The following ZNF318 variants were observed in gnomAD, a reference collection of about 807,000 sequenced individuals.
ZNF318 encodes the protein endocrine regulator.
ZNF318 carries 51 observed loss-of-function variants against 124.2 expected under a neutral mutation model. The observed-to-expected ratio is 0.41, with a 90% CI of 0.33 to 0.52. The LOEUF (loss-of-function observed/expected upper bound fraction) is 0.52, where lower values mean the gene tolerates loss of function less well. ZNF318 is among the 20% of genes least tolerant of loss of function. The pLI, the probability that ZNF318 is intolerant of heterozygous loss-of-function variation, is 0.23. For missense variants in ZNF318, 2,815 were observed against 2,811.2 expected, an observed-to-expected ratio of 1.00 and a Z score of -0.03; for synonymous variants, 1,090 against 1,040.7, an observed-to-expected ratio of 1.05 and a Z score of -0.91.
At chr6:43,368,719 G>C (rs943501980) in intron 1 of ZNF318, 112 of 985,356 alleles carry the variant, frequency 1.1e-4, no homozygotes, top group Non-Finnish European at 1.3e-4. Flanking sequence ...CCCGGCATGA[G>C]AGAAACAGCC....
At position 43,336,405 on chromosome 6, in the gene ZNF318, G is replaced by T. The variant is rs1393102456; in HGVS notation, c.*753C>A. ...TAAAAGTGATCTCAAAAGCATATCTGCTCCTGGCAATGAACCATGAATAAG... is the reference window on the plus strand; with the variant it reads ...TAAAAGTGATCTCAAAAGCATATCTTCTCCTGGCAATGAACCATGAATAAG... On this transcript the variant is annotated 3_prime_UTR_variant, in exon 10 of 10. Transcript: ENST00000361428. 1 of 152,356 alleles carries T rather than the reference G, an allele frequency of 6.6e-6. No homozygotes were observed. 9.4% of individuals were successfully genotyped at this position (152,356 alleles called of 1,614,324 possible).
chr6:43,354,538 G>T, intron 4 of ZNF318, 126 bp downstream of exon 4: 1 of 814,154 alleles, frequency 1.2e-6, no homozygotes, highest in Non-Finnish European at 2.0e-6. Context: ...TTAGGATGAT[G>T]ACAGCAGCCT....
chr6:43,346,169 A>G (rs1323920435), intron 6 of ZNF318, among the ~76,000 whole-genome samples: 2 of 140,240 alleles, frequency 1.4e-5, no homozygotes, highest in Non-Finnish European at 3.1e-5. Context: ...GCCACAGAAT[A>G]AGACTCTGTT....
intron 7 of ZNF318, 63 bp from the exon 8 acceptor site, chr6:43,342,274 C>T: frequency 7.4e-7 from 1 of 1,351,736 alleles, no homozygotes; most frequent in Non-Finnish European, 1.0e-6. Flanking sequence ...CCACTTTTCT[C>T]TTTTTTTTCC....
At chr6:43,341,049 T>C (rs535699054) in intron 8 of ZNF318, 141 bp from the exon 9 acceptor site, 2 of 647,426 alleles carry the variant, frequency 3.1e-6, no homozygotes, top group Non-Finnish European at 5.5e-6. Context: ...GAAGCAGTAT[T>C]TAGATGAATC....
chr6:43,340,325 C>T lies in ZNF318; in HGVS notation c.3673G>A (p.Glu1225Lys), dbSNP rs1280788687. Residue 1225 changes from glutamate to lysine, a missense_variant, in exon 10 of 10, where the codon GAG becomes AAG. Physicochemically the swap from Glu to Lys is moderately conservative, Grantham distance 56 (BLOSUM62 1). Around this residue, in one of 4 missense-constraint regions of ZNF318, gnomAD observed 500 missense variants for 605.2 expected, o/e 0.83. Coordinates refer to ENST00000361428, the MANE Select transcript of ZNF318 (RefSeq NM_014345.3). ...KKAKAVKEVK[E>K]DDKVSEKLED... is the part of the protein sequence containing the mutation. ...AATTTCTCAGAGACCTTGTCATCCT[C>T]CTTTACTTCTTTCACAGCCTTTGCC... 6.2e-7 allele frequency: 1 copy of T among 1,614,136 alleles called. No individual in the cohort carries two copies. The highest frequency in any genetic ancestry group is 2.2e-5 in the East Asian group (1 of 44,884).
Position 43,365,450 on chromosome 6 carries a change from T to A in ZNF318, c.400-10A>T, listed in dbSNP as rs763259266. 4.3e-6 allele frequency: 7 copies of A among 1,611,436 alleles called. No individual in the cohort carries two copies. The South Asian group carries it at 7.7e-5, about 18-fold the overall frequency. ...GACCAGGAGAGCGTCTCTACAAAAG[T>A]AAAGGATAATATGGTTAGTCAATAG... On this transcript the variant is annotated splice_polypyrimidine_tract_variant and intron_variant, in intron 1 of 9. Coordinates refer to ENST00000361428, the MANE Select transcript of ZNF318 (RefSeq NM_014345.3).
At chr6:43,353,830 G>C (rs977178953) in intron 4 of ZNF318, among the ~76,000 whole-genome samples, 2 of 152,140 alleles carry the variant, frequency 1.3e-5, no homozygotes, top group Non-Finnish European at 2.9e-5. Flanking sequence ...TCTTGATGTA[G>C]TTTTCACCTA....
At chr6:43,343,403 GGA>G (rs1219277326) in intron 6 of ZNF318, among the ~76,000 whole-genome samples, 3 of 152,132 alleles carry the variant, frequency 2.0e-5, no homozygotes, top group Non-Finnish European at 4.4e-5. Context: ...ATGAAAAACT[GGA>G]GAGAAGGGTT....
rs1779581333 is a variant in ZNF318, at chr6:43,354,844, A to G, written c.2490T>C (p.Arg830=). The G allele has an allele frequency of 6.2e-7, 1 of 1,614,102 alleles. No individual in the cohort carries two copies. The highest frequency in any genetic ancestry group is 1.7e-5 in the Admixed American group (1 of 60,006). The change falls in exon 4 of 10, where the codon CGT becomes CGC. Residue 830 remains arginine (R), a synonymous_variant. Transcript: ENST00000361428. ...GGATCACACGAAGATTGGGACGGCT[A>G]CGAGTAGCTTGTTTGGTTATTGGCA... ...RIMPITKQAT[R]SRPNLRVIPT...
In ZNF318 at chr6:43,340,772, C is replaced by T. The variant is rs995234478; in HGVS notation, c.3495+18G>A. 1 of 1,593,642 alleles carries T rather than the reference C, an allele frequency of 6.3e-7. No homozygotes were observed. Among genetic ancestry groups the T allele is most frequent in the Non-Finnish European group, 8.6e-7 (1 of 1,161,584 alleles). ...TTCAGAAAAGTTGGAAACTCCACAGCCTACTACAAAGACCAACCTTGTATT... is the reference window on the plus strand; with the variant it reads ...TTCAGAAAAGTTGGAAACTCCACAGTCTACTACAAAGACCAACCTTGTATT... On this transcript the variant is annotated intron_variant, in intron 9 of 9. Transcript: ENST00000361428.
At chr6:43,367,926 G>A (rs546972188) in intron 1 of ZNF318, among the ~76,000 whole-genome samples, 18 of 152,232 alleles carry the variant, frequency 1.2e-4, no homozygotes, top group Non-Finnish European at 2.4e-4. Flanking sequence ...TTGGGAGGCT[G>A]AGGCGGGAGG....
chr6:43,346,524 C>CAAAAAAAAA, intron 6 of ZNF318, among the ~76,000 whole-genome samples: 3 of 104,578 alleles, frequency 2.9e-5, no homozygotes, highest in Non-Finnish European at 3.8e-5. Flanking sequence ...CATCTTTAAC[C>CAAAAAAAAA]AAAAAAAAAA....
Position 43,354,914 on chromosome 6 carries a change from G to C in ZNF318, c.2420C>G (p.Thr807Ser). 6.2e-7 allele frequency: 1 copy of C among 1,612,422 alleles called. No individual in the cohort carries two copies. Among genetic ancestry groups the C allele is most frequent in the African/African-American group, 1.3e-5 (1 of 75,014 alleles). Residue 807 changes from threonine (T) to serine (S), a missense_variant, in exon 4 of 10, where the codon ACC (threonine) becomes AGC (serine). Thr to Ser is a moderately conservative substitution (Grantham distance 58). Around this residue, in one of 4 missense-constraint regions of ZNF318, gnomAD observed 1,377 missense variants for 1,353.5 expected, o/e 1.02. Coordinates refer to ENST00000361428, the MANE Select transcript of ZNF318 (RefSeq NM_014345.3). The part of the protein sequence containing the change: ...YAASRWPMYP[T>S]SQPSNHPVPE... Reference sequence around the variant, plus strand: ...TACAGGGTGGTTTGACGGTTGAGAGGTGGGATACATGGGCCATCTGGAGGC... The same window carrying C: ...TACAGGGTGGTTTGACGGTTGAGAGCTGGGATACATGGGCCATCTGGAGGC...
chr6:43,363,996 C>T lies in ZNF318; in HGVS notation c.548+1296G>A, dbSNP rs539720148. Reference sequence around the variant, plus strand: ...GCTACTGCGGCTCTGTGCTGGTGCACCTCATCCCTGCGCCCAAGGGCACTG... The same window carrying T: ...GCTACTGCGGCTCTGTGCTGGTGCATCTCATCCCTGCGCCCAAGGGCACTG... On this transcript the variant is annotated intron_variant, in intron 2 of 9. Transcript: ENST00000361428. The T allele has an allele frequency of 7.0e-4, 500 of 710,352 alleles. 6 individuals carry two copies. The highest frequency in any genetic ancestry group is 5.9e-3 in the South Asian group (395 of 66,920). The allele number at this position is 710,352 out of a possible 1,614,324, so 44.0% of individuals were successfully genotyped here. A position where few individuals can be genotyped will look rare whatever the true frequency, so the allele number is the denominator to read the frequency against.
In ZNF318 at chr6:43,338,919, T is replaced by C. The variant is rs754831346; in HGVS notation, c.5079A>G (p.Thr1693=). ...TAGAGGTCCATATGGCCAAAGTGTC[T>C]GTCTTTGGGGTAATTGTTTCATAAG... ...SRPYETITPK[T]DTLAIWTSSS... The change falls in exon 10 of 10, where the codon ACA becomes ACG. Residue 1693 remains threonine, a synonymous_variant. Coordinates refer to ENST00000361428, the MANE Select transcript of ZNF318 (RefSeq NM_014345.3). 15 of 1,614,018 alleles carry C rather than the reference T, an allele frequency of 9.3e-6. No homozygotes were observed. Among genetic ancestry groups the C allele is most frequent in the Non-Finnish European group, 7.6e-6 (9 of 1,180,026 alleles).
intron 5 of ZNF318, among the ~76,000 whole-genome samples, chr6:43,351,984 T>TA (rs1304470706): frequency 1.3e-5 from 2 of 150,642 alleles, no homozygotes; most frequent in East Asian, 2.0e-4. Flanking sequence ...CTACTACAAA[T>TA]ACGAAAAAAA....
rs369980798 is a variant in ZNF318, at chr6:43,357,736, G to A, written c.578C>T (p.Thr193Ile). The A allele has an allele frequency of 6.2e-7, 1 of 1,601,632 alleles. No individual in the cohort carries two copies. The highest frequency in any genetic ancestry group is 1.1e-5 in the South Asian group (1 of 90,832). ...ACCCCGAGAGCACTGGGAGCTTCGA[G>A]TGAAGACAGAATCATCAGTCAGGTC... ...RDDLTDDSVF[T>I]RSSQCSRGLE... is the part of the protein sequence containing the mutation. Residue 193 changes from threonine to isoleucine, a missense_variant, in exon 3 of 10, where the codon ACT becomes ATT. Coordinates refer to ENST00000361428, the MANE Select transcript of ZNF318 (RefSeq NM_014345.3).
chr6:43,365,175 T>A, intron 2 of ZNF318, 117 bp downstream of exon 2: 1 of 1,126,556 alleles, frequency 8.9e-7, no homozygotes, highest in Non-Finnish European at 1.3e-6. Flanking sequence ...ACTGGACATG[T>A]GGCATAGGAA....
Sources: gnomAD v4.1 joint callset for allele counts (sites outside exome capture counted in the v4.1 genomes callset) on GRCh38, gnomAD v4.1.1 for gene constraint, gnomAD v4.1.1 regional missense constraint, MANE v1.5 for transcripts, NCBI Gene and HGNC (gene_info 2026-07-23, HGNC 2026-07-21) for gene names.